Variants in KALRN observed in about 807,000 individuals in gnomAD.
The protein encoded by KALRN is kalirin.
In KALRN, 70 loss-of-function variants were observed where a neutral mutation model predicts 353.7. The observed-to-expected ratio is 0.20, with a 90% CI of 0.16 to 0.24. KALRN has a LOEUF of 0.24. KALRN is among the 10% of genes least tolerant of loss of function. The pLI, the probability that KALRN is intolerant of heterozygous loss-of-function variation, is 1.00. For synonymous variants in KALRN, 1,391 were observed against 1,434.8 expected (o/e 0.97, Z 0.69); for missense variants, 2,791 against 3,756.7 (o/e 0.74, Z 6.72).
intron 15 of KALRN, among the ~76,000 whole-genome samples, chr3:124,423,375 C>T (rs2092872276): frequency 6.6e-6 from 1 of 152,202 alleles, no homozygotes; most frequent in South Asian, 2.1e-4. Context: ...GTGTGCCTGA[C>T]ACAAAGTTAA....
intron 33 of KALRN, among the ~76,000 whole-genome samples, chr3:124,534,276 G>A (rs1457973596): frequency 6.6e-6 from 1 of 152,102 alleles, no homozygotes; most frequent in Non-Finnish European, 1.5e-5. Context: ...TCATTTATCA[G>A]AAAACCAAAC....
At chr3:124,078,620 CAT>C (rs2060381700) in intron 1 of KALRN, among the ~76,000 whole-genome samples, 1 of 152,136 alleles carries the variant, frequency 6.6e-6, no homozygotes. Flanking sequence ...AGACAACAAA[CAT>C]AGTCCTAACA....
At chr3:124,274,922 C>G (rs1298184134) in intron 5 of KALRN, among the ~76,000 whole-genome samples, 1 of 152,196 alleles carries the variant, frequency 6.6e-6, no homozygotes, top group Non-Finnish European at 1.5e-5. Flanking sequence ...GGGTGCCATG[C>G]TGAAATGGAG....
At chr3:124,456,412 TTTTA>T (rs147105507) in intron 22 of KALRN, among the ~76,000 whole-genome samples, 194 bp from the exon 23 acceptor site, 4,344 of 152,256 alleles carry the variant, frequency 0.029, 204 homozygotes, top group African/African-American at 0.097. Flanking sequence ...GACCTGAACA[TTTTA>T]TTTCTCTCTT....
At chr3:124,496,272 C>G (rs759414062) in intron 32 of KALRN, 39 bp from the exon 33 acceptor site, 7 of 1,523,760 alleles carry the variant, frequency 4.6e-6, no homozygotes, top group African/African-American at 2.7e-5. Context: ...AGTGGTTCCC[C>G]CCACCCCCAC....
chr3:124,138,561 G>A (rs1354530796), intron 1 of KALRN, among the ~76,000 whole-genome samples: 1 of 152,188 alleles, frequency 6.6e-6, no homozygotes, highest in African/African-American at 2.4e-5. Flanking sequence ...GAGTGACTGA[G>A]GCAGGATACA....
At chr3:124,678,399 G>A in intron 50 of KALRN, 86 bp downstream of exon 50, 1 of 1,475,954 alleles carries the variant, frequency 6.8e-7, no homozygotes. Context: ...GGGTGGATGG[G>A]TTATTTTTTT....
At chr3:124,035,243 TACAC>T (rs753228162) in intron 1 of KALRN, among the ~76,000 whole-genome samples, 2 of 151,622 alleles carry the variant, frequency 1.3e-5, no homozygotes, top group African/African-American at 2.4e-5. Context: ...CTCTCTCTCA[TACAC>T]ACACAGCCCA....
intron 36 of KALRN, among the ~76,000 whole-genome samples, chr3:124,635,211 T>C (rs2081227370): frequency 1.3e-5 from 2 of 152,200 alleles, no homozygotes; most frequent in Non-Finnish European, 2.9e-5. Flanking sequence ...ACAGAAGTGC[T>C]GGTGCTTCAC....
chr3:124,234,982 G>A, intron 3 of KALRN, 39 bp downstream of exon 3: 1 of 1,471,578 alleles, frequency 6.8e-7, no homozygotes, highest in Non-Finnish European at 9.4e-7. Flanking sequence ...GAGCGGGAGG[G>A]GAGCTGGGCT....
At chr3:124,064,176 G>A (rs1187808640) in intron 1 of KALRN, among the ~76,000 whole-genome samples, 3 of 152,160 alleles carry the variant, frequency 2.0e-5, no homozygotes. Flanking sequence ...TATAATTACA[G>A]CTTATCCTAC....
At chr3:124,158,231 T>G (rs2069319258) in intron 1 of KALRN, among the ~76,000 whole-genome samples, 2 of 152,206 alleles carry the variant, frequency 1.3e-5, no homozygotes, top group Non-Finnish European at 2.9e-5. Context: ...GGAGTGTGTT[T>G]ACAGCCTCCT....
At chr3:124,109,438 TTTAA>T (rs2062629508) in intron 1 of KALRN, among the ~76,000 whole-genome samples, 1 of 152,082 alleles carries the variant, frequency 6.6e-6, no homozygotes, top group African/African-American at 2.4e-5. Context: ...CCCTTCCCTA[TTTAA>T]TTATTTCCCA....
chr3:124,067,752 C>T (rs2042495528), intron 1 of KALRN, among the ~76,000 whole-genome samples: 1 of 152,216 alleles, frequency 6.6e-6, no homozygotes, highest in African/African-American at 2.4e-5. Context: ...ACAACACACA[C>T]TCACTTTTTC....
rs1049135053 is a variant in KALRN, at chr3:124,488,120, G to T, written c.4285-84G>T. 13 of 783,014 alleles carry T rather than the reference G, an allele frequency of 1.7e-5. No individual in the cohort carries two copies. The African/African-American group carries it at 1.9e-4, about 11-fold the overall frequency. The allele number at this position is 783,014 out of a possible 1,614,324, so 48.5% of individuals were successfully genotyped here. On this transcript the variant is annotated intron_variant, in intron 28 of 59. Transcript: ENST00000682506. ...GGAACCATTACAGAGAGCGAAGCTG[G>T]TCTATAATTTCCTTGCTGGGTTAGG...
At chr3:124,316,493 C>T (rs1346579291) in intron 6 of KALRN, among the ~76,000 whole-genome samples, 2 of 152,222 alleles carry the variant, frequency 1.3e-5, no homozygotes, top group Non-Finnish European at 1.5e-5. Flanking sequence ...TCATTTGTCC[C>T]GGTCATCCTG....
At chr3:124,643,520 C>G (rs115864081) in intron 37 of KALRN, among the ~76,000 whole-genome samples, 1 of 152,070 alleles carries the variant, frequency 6.6e-6, no homozygotes, top group African/African-American at 2.4e-5. Context: ...CTCACTCTGT[C>G]GCCCAGACTG....
At chr3:124,473,415 T>C (rs537942855) in intron 25 of KALRN, among the ~76,000 whole-genome samples, 2 of 152,334 alleles carry the variant, frequency 1.3e-5, no homozygotes, top group Middle Eastern at 3.4e-3. Flanking sequence ...CACCCACCAC[T>C]GTCCTCTATT....
At chr3:124,202,085 G>C (rs1388474539) in intron 1 of KALRN, among the ~76,000 whole-genome samples, 1 of 152,226 alleles carries the variant, frequency 6.6e-6, no homozygotes, top group Admixed American at 6.5e-5. Context: ...AAGCACAGCA[G>C]CTTCAGAGCT....
Sources: gnomAD v4.1 joint callset for allele counts (sites outside exome capture counted in the v4.1 genomes callset) on GRCh38, gnomAD v4.1.1 for gene constraint, MANE v1.5 for transcripts, NCBI Gene and HGNC (gene_info 2026-07-23, HGNC 2026-07-21) for gene names.